The following COL18A1 variants were observed in gnomAD, a reference collection of about 807,000 sequenced individuals.
COL18A1 encodes collagen alpha-1(XVIII) chain.
A neutral mutation model predicts 168.0 loss-of-function variants in COL18A1; 133 were observed. The ratio of observed to expected loss-of-function variants is 0.79; its 90% CI spans 0.69 to 0.91. The LOEUF (loss-of-function observed/expected upper bound fraction) is 0.91, where lower values mean the gene tolerates loss of function less well. Ranked by LOEUF, COL18A1 falls within the 40% of genes least tolerant of loss-of-function variation. COL18A1 has a pLI of 0.00. For synonymous variants in COL18A1, 949 were observed against 809.0 expected (o/e 1.17, Z -2.94); for missense variants, 2,126 against 1,925.4 (o/e 1.10, Z -1.95).
At chr21:45,484,874 T>A (rs2036053740) in intron 15 of COL18A1, among the ~76,000 whole-genome samples, 1 of 152,168 alleles carries the variant, frequency 6.6e-6, no homozygotes, top group South Asian at 2.1e-4. Context: ...GATATGCATG[T>A]ATGAAAATAA....
At position 45,453,610 on chromosome 21, in the gene COL18A1, A is replaced by T. The variant is rs74473056; in HGVS notation, c.107-14632A>T. Among the ~76,000 whole-genome samples the T allele has an allele frequency of 3.6e-3, 543 of 152,270 alleles. 1 individual carries two copies. Among genetic ancestry groups the T allele is most frequent in the African/African-American group, 0.013 (528 of 41,558 alleles). The stretch of plus-strand genomic sequence containing the variant: ...GGTGCTTGGAGGTGAGGGAACCCCA[A>T]TGGTGGACAGGAAGCTCTCAAAGCA... On this transcript the variant is annotated intron_variant, in intron 2 of 41. Transcript: ENST00000651438.
chr21:45,486,867 A>C lies in COL18A1; in HGVS notation c.1708A>C (p.Lys570Gln). ...CTCTCCTCACCCCACGCAGGGGAGC[A>C]AGGGAGCCCCCGGTCCTGCTGGTGC... ...EAGAPGHKGS[K>Q]GAPGPAGARG... The change falls in exon 16 of 42, where the codon AAG becomes CAG. Residue 570 changes from lysine (K) to glutamine (Q), a missense_variant. Transcript: ENST00000651438. 1 of 1,528,894 alleles carries C rather than the reference A, an allele frequency of 6.5e-7. No individual in the cohort carries two copies. The highest frequency in any genetic ancestry group is 8.8e-7 in the Non-Finnish European group (1 of 1,139,174). 94.7% of individuals were successfully genotyped at this position (1,528,894 alleles called of 1,614,324 possible). A position where few individuals can be genotyped will look rare whatever the true frequency, so the allele number is the denominator to read the frequency against.
At chr21:45,418,022 G>A (rs564595980) in intron 2 of COL18A1, among the ~76,000 whole-genome samples, 5 of 152,348 alleles carry the variant, frequency 3.3e-5, no homozygotes, top group Admixed American at 2.6e-4. Flanking sequence ...GAACCGAGAA[G>A]GGCAGGTGCC....
chr21:45,410,575 T>C lies in COL18A1; in HGVS notation c.106+5102T>C, dbSNP rs1398027247. On this transcript the variant is annotated intron_variant, in intron 2 of 41. Transcript: ENST00000651438. ...GCAGCCGTTTGTTCGTTTGCTCATT[T>C]ATTTTTGGTCTGAAGTCCATGCTTT... 3.9e-5 allele frequency among the ~76,000 whole-genome samples: 6 copies of C among 152,386 alleles called. No individual in the cohort carries two copies. The East Asian group carries it at 1.2e-3, about 29-fold the overall frequency.
Position 45,485,874 on chromosome 21 carries a change from A to G in COL18A1, c.1702-987A>G, listed in dbSNP as rs1369619016. Among the ~76,000 whole-genome samples the G allele has an allele frequency of 2.0e-5, 3 of 152,322 alleles. No individual in the cohort carries two copies. The South Asian group carries it at 6.2e-4, about 32-fold the overall frequency. ...AGGCAGCGGGTCACATTCCTGCCCCATTTGTGGACAGTGCTGGGCTCACAC... is the reference window on the plus strand; with the variant it reads ...AGGCAGCGGGTCACATTCCTGCCCCGTTTGTGGACAGTGCTGGGCTCACAC... On this transcript the variant is annotated intron_variant, in intron 15 of 41. Coordinates refer to ENST00000651438, the MANE Select transcript of COL18A1 (RefSeq NM_001379500.1).
At position 45,496,718 on chromosome 21, in the gene COL18A1, A is replaced by G. The variant is rs565740877; in HGVS notation, c.2577+150A>G. The G allele has an allele frequency of 2.0e-5, 14 of 699,192 alleles. No homozygotes were observed. In the East Asian group the frequency reaches 3.5e-4, roughly 17 times the overall value. 43.3% of individuals were successfully genotyped at this position (699,192 alleles called of 1,614,324 possible). A position where few individuals can be genotyped will look rare whatever the true frequency, so the allele number is the denominator to read the frequency against. ...CTGGTGGGCAGTGGATTAGCAGCTG[A>G]GTTCCCACGGAAGGTGAAGGCCTGG... On this transcript the variant is annotated intron_variant, in intron 30 of 41. Coordinates refer to ENST00000651438, the MANE Select transcript of COL18A1 (RefSeq NM_001379500.1).
chr21:45,487,157 CTCGCCCG>C (rs2036143140), intron 16 of COL18A1, among the ~76,000 whole-genome samples, 165 bp downstream of exon 16: 2 of 152,346 alleles, frequency 1.3e-5, no homozygotes, highest in South Asian at 4.1e-4. Flanking sequence ...GCTCGAGTCT[CTCGCCCG>C]TCGCCCGTGC....
At chr21:45,490,467 T>TCTCTGGGCCTCCGTGTGCCCACTCCC (rs2036280442) in intron 20 of COL18A1, 121 bp downstream of exon 20, 1 of 777,170 alleles carries the variant, frequency 1.3e-6, no homozygotes, top group Non-Finnish European at 2.1e-6. Flanking sequence ...TGTGCCCTCG[T>TCTCTGGGCCTCCGTGTGCCCACTCCC]GGGTCCCTGG....
At chr21:45,437,186 A>T (rs1257686966) in intron 2 of COL18A1, among the ~76,000 whole-genome samples, 27 of 86,270 alleles carry the variant, frequency 3.1e-4, no homozygotes, top group Middle Eastern at 6.5e-3. Context: ...ACACACACTC[A>T]CACAGACACA....
rs959682726 is a variant in COL18A1 at position 45,505,245 on chromosome 21, G to C, written c.2980G>C (p.Gly994Arg). 5.6e-6 allele frequency: 9 copies of C among 1,604,228 alleles called. No individual in the cohort carries two copies. The highest frequency in any genetic ancestry group is 5.4e-5 in the African/African-American group (4 of 74,616). ...CCCTCCCGGCCCCCCAGGCCCCCCA[G>C]GGCCCCCTTCATTTCCTGGCCCTCA... ...QGPPGPPGPP[G>R]PPSFPGPHRQ... The change falls in exon 35 of 42, where the codon GGG becomes CGG. Residue 994 changes from glycine to arginine, a missense_variant. Coordinates refer to ENST00000651438, the MANE Select transcript of COL18A1 (RefSeq NM_001379500.1).
Position 45,507,602 on chromosome 21 carries a change from C to A in COL18A1, c.3249+9C>A, listed in dbSNP as rs1303619540. 4 of 1,612,864 alleles carry A rather than the reference C, an allele frequency of 2.5e-6. No homozygotes were observed. Among genetic ancestry groups the A allele is most frequent in the Non-Finnish European group, 3.4e-6 (4 of 1,179,684 alleles). On this transcript the variant is annotated intron_variant, in intron 38 of 41. Coordinates refer to ENST00000651438, the MANE Select transcript of COL18A1 (RefSeq NM_001379500.1). ...CACTCCCACGAGGGACGGTAAGGAG[C>A]CTTTTTTCTGTTGAGACTGGTGGGT...
At chr21:45,470,051 G>A (rs578195407) in intron 3 of COL18A1, among the ~76,000 whole-genome samples, 160 of 152,360 alleles carry the variant, frequency 1.1e-3, no homozygotes, top group Non-Finnish European at 1.7e-3. Flanking sequence ...CTTTAACACT[G>A]TTAGGAAAAG....
intron 16 of COL18A1, 46 bp downstream of exon 16, chr21:45,487,038 G>T: frequency 6.8e-7 from 1 of 1,471,088 alleles, no homozygotes; most frequent in Non-Finnish European, 8.9e-7. Flanking sequence ...GGGGGCTGCC[G>T]TTGCCCCAGC....
At chr21:45,441,520 C>T (rs1003387891) in intron 2 of COL18A1, among the ~76,000 whole-genome samples, 5 of 152,202 alleles carry the variant, frequency 3.3e-5, no homozygotes, top group African/African-American at 7.2e-5. Flanking sequence ...CCTGGAGGTG[C>T]CCCCACCGGG....
chr21:45,467,436 C>T lies in COL18A1; in HGVS notation c.107-806C>T, dbSNP rs1222622848. ...CACGTTGGCAGGTACGTCAGGCATG[C>T]AGCCCCTCCAAGGGGTGATTGTGGC... On this transcript the variant is annotated intron_variant, in intron 2 of 41. Coordinates refer to ENST00000651438, the MANE Select transcript of COL18A1 (RefSeq NM_001379500.1). 4.1e-6 allele frequency: 4 copies of T among 985,190 alleles called. No homozygotes were observed. The East Asian group carries it at 4.5e-4, about 112-fold the overall frequency. The allele number at this position is 985,190 out of a possible 1,614,324, so 61.0% of individuals were successfully genotyped here.
intron 26 of COL18A1, 111 bp from the exon 27 acceptor site, chr21:45,494,434 G>A (rs2036462813): frequency 1.3e-6 from 2 of 1,512,426 alleles, no homozygotes; most frequent in Admixed American, 1.7e-5. Context: ...AGGCTATCAG[G>A]TGGGGCACAA....
intron 2 of COL18A1, among the ~76,000 whole-genome samples, chr21:45,445,001 C>T (rs565202247): frequency 3.3e-5 from 5 of 152,242 alleles, no homozygotes; most frequent in East Asian, 1.9e-4. Context: ...ATTCACATTC[C>T]GTGCAATTCA....
intron 2 of COL18A1, among the ~76,000 whole-genome samples, chr21:45,426,070 G>A (rs2033789208): frequency 6.6e-6 from 1 of 152,050 alleles, no homozygotes. Flanking sequence ...GGGCGTAAGT[G>A]AATTGACAGC....
intron 11 of COL18A1, 88 bp from the exon 12 acceptor site, chr21:45,480,379 G>T (rs1009422109): frequency 1.9e-6 from 3 of 1,610,662 alleles, no homozygotes; most frequent in Non-Finnish European, 2.5e-6. Context: ...GAAACAGCTC[G>T]ATATGCAGCT....
Sources: gnomAD v4.1 joint callset for allele counts (sites outside exome capture counted in the v4.1 genomes callset) on GRCh38, gnomAD v4.1.1 for gene constraint, MANE v1.5 for transcripts, NCBI Gene and HGNC (gene_info 2026-07-23, HGNC 2026-07-21) for gene names.